Variants in GAS7 observed in about 807,000 individuals in gnomAD.
The protein encoded by GAS7 is growth arrest specific 7.
A neutral mutation model predicts 71.1 loss-of-function variants in GAS7; 28 were observed. The ratio of observed to expected loss-of-function variants is 0.39; its 90% CI spans 0.29 to 0.54. The LOEUF (loss-of-function observed/expected upper bound fraction) is 0.54, where lower values mean the gene tolerates loss of function less well. Ranked by LOEUF, GAS7 falls within the 20% of genes least tolerant of loss-of-function variation. The probability of loss-of-function intolerance (pLI) is 0.62; values close to 1 mark genes in which losing one functional copy is unlikely to be tolerated. For synonymous variants in GAS7, 258 were observed against 245.8 expected (o/e 1.05, Z -0.46); for missense variants, 436 against 627.8 (o/e 0.69, Z 3.27).
At chr17:10,065,526 A>G (rs985220403) in intron 1 of GAS7, among the ~76,000 whole-genome samples, 9 of 151,814 alleles carry the variant, frequency 5.9e-5, no homozygotes, top group African/African-American at 2.2e-4. Context: ...CTCAAATCCT[A>G]CTTCCCCAAT....
At chr17:10,183,441 C>T (rs2074430565) in intron 1 of GAS7, among the ~76,000 whole-genome samples, 1 of 152,164 alleles carries the variant, frequency 6.6e-6, no homozygotes, top group Non-Finnish European at 1.5e-5. Flanking sequence ...ATCACCAGAG[C>T]ATACAGGAAG....
chr17:9,983,617 T>C (rs997986080), intron 2 of GAS7, among the ~76,000 whole-genome samples: 1 of 151,878 alleles, frequency 6.6e-6, no homozygotes, highest in Admixed American at 6.6e-5. Flanking sequence ...TGAAACCCGA[T>C]CTCCACTAAA....
intron 4 of GAS7, among the ~76,000 whole-genome samples, chr17:9,962,227 A>G (rs934315033): frequency 2.9e-5 from 4 of 136,708 alleles, no homozygotes; most frequent in African/African-American, 1.3e-4. Context: ...TATACATATC[A>G]CGTGCATTTT....
At chr17:10,131,302 G>A (rs1411679906) in intron 1 of GAS7, among the ~76,000 whole-genome samples, 1 of 152,216 alleles carries the variant, frequency 6.6e-6, no homozygotes, top group Non-Finnish European at 1.5e-5. Flanking sequence ...AACATTGCTT[G>A]GGTTAGCAAT....
At chr17:9,955,838 C>T (rs559929414) in intron 5 of GAS7, among the ~76,000 whole-genome samples, 1 of 152,154 alleles carries the variant, frequency 6.6e-6, no homozygotes, top group African/African-American at 2.4e-5. Flanking sequence ...GCCGCGTCTT[C>T]GCTCTTGCAC....
At chr17:9,937,778 G>A (rs751637215) in intron 8 of GAS7, among the ~76,000 whole-genome samples, 9 of 152,182 alleles carry the variant, frequency 5.9e-5, no homozygotes, top group Middle Eastern at 3.2e-3. Context: ...ACAACAGAAC[G>A]TCTTCCTTCC....
At chr17:10,129,554 T>C (rs1336842259) in intron 1 of GAS7, among the ~76,000 whole-genome samples, 1 of 152,028 alleles carries the variant, frequency 6.6e-6, no homozygotes, top group African/African-American at 2.4e-5. Context: ...AAAAAAACTC[T>C]TCAAAAAAAT....
At chr17:10,195,945 T>C (rs535558084) in intron 1 of GAS7, among the ~76,000 whole-genome samples, 3 of 152,154 alleles carry the variant, frequency 2.0e-5, no homozygotes, top group Non-Finnish European at 4.4e-5. Context: ...GTACTTAGGA[T>C]ACAGGACTCG....
In GAS7 at chr17:9,925,666, A is replaced by C. The variant is rs1467428435; in HGVS notation, c.1015-67T>G. The C allele has an allele frequency of 3.2e-6, 5 of 1,575,110 alleles. No individual in the cohort carries two copies. In the African/African-American group the frequency reaches 6.8e-5, roughly 21 times the overall value. ...AGCCAGTGGGCCTCCTGGGCCACGC[A>C]GCCCAGCTTCCCTTTGGAGTCCTTT... is the stretch of plus-strand genomic sequence containing the variant. On this transcript the variant is annotated intron_variant, in intron 10 of 13. Coordinates refer to ENST00000432992, the MANE Select transcript of GAS7 (RefSeq NM_201433.2).
At chr17:10,102,417 T>C (rs1007994072) in intron 1 of GAS7, among the ~76,000 whole-genome samples, 1 of 151,698 alleles carries the variant, frequency 6.6e-6, no homozygotes, top group African/African-American at 2.4e-5. Context: ...TCCAGCATAG[T>C]AGTCTAATCT....
Position 9,919,643 on chromosome 17 carries a change from T to A in GAS7, c.1201A>T (p.Met401Leu), listed in dbSNP as rs768667412. The stretch of plus-strand genomic sequence containing the variant: ...CCGCTTACCAATGTGGTGGTCACCA[T>A]CTCTTCAAACCATTTGGACTGGGCC... ...NQAQSKWFEE[M>L]VTTTLELERL... Residue 401 changes from methionine to leucine, a missense_variant, in exon 12 of 14, where the codon ATG becomes TTG. By Grantham distance (15) the Met-to-Leu change is conservative (BLOSUM62 2). Transcript: ENST00000432992. The surrounding 1 kb of genome is among the most constrained non-coding windows in gnomAD (Gnocchi z 5.0). 3.7e-6 allele frequency: 6 copies of A among 1,613,098 alleles called. No homozygotes were observed. The highest frequency in any genetic ancestry group is 5.1e-6 in the Non-Finnish European group (6 of 1,179,142).
chr17:10,189,070 C>A (rs2074478644), intron 1 of GAS7, among the ~76,000 whole-genome samples: 1 of 152,078 alleles, frequency 6.6e-6, no homozygotes, highest in Admixed American at 6.6e-5. Flanking sequence ...GGAACTTTTT[C>A]CAAATTTGTA....
At chr17:9,963,185 G>C (rs1379306887) in intron 4 of GAS7, among the ~76,000 whole-genome samples, 1 of 152,126 alleles carries the variant, frequency 6.6e-6, no homozygotes, top group Non-Finnish European at 1.5e-5. Context: ...GCCGCGATGT[G>C]AATGAACCTT....
chr17:10,182,679 G>A (rs867159570), intron 1 of GAS7, among the ~76,000 whole-genome samples: 18 of 152,270 alleles, frequency 1.2e-4, no homozygotes, highest in African/African-American at 4.1e-4. Context: ...GCAAGGACCT[G>A]AGAGTTCCAT....
At chr17:10,015,159 AAAAAGAAAAG>A (rs200283091) in intron 2 of GAS7, among the ~76,000 whole-genome samples, 1 of 146,886 alleles carries the variant, frequency 6.8e-6, no homozygotes, top group Non-Finnish European at 1.5e-5. Context: ...GTCTCAAAAA[AAAAAGAAAAG>A]AAAAGAAAAG....
intron 1 of GAS7, among the ~76,000 whole-genome samples, chr17:10,111,677 C>T (rs1268650166): frequency 1.3e-5 from 2 of 152,138 alleles, no homozygotes; most frequent in South Asian, 2.1e-4. Context: ...GGCAAGACTC[C>T]GTCTCTAAAT....
chr17:10,043,192 T>C (rs557913312), intron 1 of GAS7, among the ~76,000 whole-genome samples: 7 of 152,270 alleles, frequency 4.6e-5, no homozygotes, highest in African/African-American at 1.4e-4. Context: ...CTCCCTCTCC[T>C]GTGCCTTTCA....
At chr17:10,082,668 G>A (rs539910607) in intron 1 of GAS7, among the ~76,000 whole-genome samples, 1 of 152,326 alleles carries the variant, frequency 6.6e-6, no homozygotes, top group East Asian at 1.9e-4. Context: ...AAGTGAAAAT[G>A]TGTCCGAAAA....
chr17:10,188,152 G>A (rs2074470344), intron 1 of GAS7, among the ~76,000 whole-genome samples: 1 of 151,892 alleles, frequency 6.6e-6, no homozygotes, highest in Non-Finnish European at 1.5e-5. Context: ...CGGAGGCAGG[G>A]GAATTACTTG....
Sources: gnomAD v4.1 joint callset for allele counts (sites outside exome capture counted in the v4.1 genomes callset) on GRCh38, gnomAD v4.1.1 for gene constraint, Gnocchi (gnomAD v3.1) non-coding constraint, MANE v1.5 for transcripts, NCBI Gene and HGNC (gene_info 2026-07-23, HGNC 2026-07-21) for gene names.